SPTB: variants seen among roughly 807,000 people sequenced by gnomAD.
The protein encoded by SPTB is spectrin beta chain, erythrocytic.
Under a neutral mutation model 256.2 loss-of-function variants are expected in SPTB, and 45 were observed. The ratio of observed to expected loss-of-function variants is 0.18; its 90% confidence interval spans 0.14 to 0.23. The LOEUF is 0.23. Among genes scored for constraint, SPTB ranks in the 10% least tolerant of loss-of-function variants. The probability of loss-of-function intolerance (pLI) is 1.00; values close to 1 mark genes in which losing one functional copy is unlikely to be tolerated. For synonymous variants in SPTB, 1,231 were observed against 1,243.1 expected (o/e 0.99, Z 0.21); for missense variants, 2,715 against 3,040.4 (o/e 0.89, Z 2.52).
chr14:64,810,497 T>G (rs939781968), intron 2 of SPTB, among the ~76,000 whole-genome samples: 3 of 152,072 alleles, frequency 2.0e-5, no homozygotes, highest in African/African-American at 4.8e-5. Flanking sequence ...CTGGCCAATA[T>G]GATGAAACGC....
intron 15 of SPTB, among the ~76,000 whole-genome samples, chr14:64,791,257 G>A (rs1473387807): frequency 1.3e-5 from 2 of 152,134 alleles, no homozygotes; most frequent in South Asian, 2.1e-4. Flanking sequence ...CTGGGAAGGG[G>A]ACTGTGGCTG....
intron 5 of SPTB, 99 bp from the exon 6 acceptor site, chr14:64,801,933 C>T (rs1306139924): frequency 2.4e-6 from 3 of 1,237,342 alleles, no homozygotes; most frequent in African/African-American, 3.0e-5. Context: ...AGAAATGGAA[C>T]TGTCCTTTCT....
In SPTB at chr14:64,825,189, A is replaced by G. The variant is rs1400429988; in HGVS notation, c.-51-2044T>C. Among the ~76,000 whole-genome samples the G allele has an allele frequency of 2.0e-5, 3 of 152,074 alleles. No homozygotes were observed. The highest frequency in any genetic ancestry group is 4.4e-5 in the Non-Finnish European group (3 of 68,016). ...GGGTTTCAGGAGGGCAGGTGGGGAA[A>G]GGACATGGTGCATGGGGACAGAGGG... On this transcript the variant is annotated intron_variant, in intron 1 of 35. Transcript: ENST00000644917. The surrounding 1 kb of genome is among the most constrained non-coding windows in gnomAD (Gnocchi z 4.8).
At chr14:64,768,953 AC>A in intron 29 of SPTB, 80 bp downstream of exon 29, 1 of 1,144,680 alleles carries the variant, frequency 8.7e-7, no homozygotes, top group Non-Finnish European at 1.3e-6. Context: ...GTGAAAATCC[AC>A]CCATTGTGGC....
rs1037576854 is a variant in SPTB at position 64,795,649 on chromosome 14, C to A, written c.1342-10G>T. ...CATACCCAAAGTTATCCTGCCCCAC[C>A]GGGAGAAAAACAGGCAGCTCAGTCA... On this transcript the variant is annotated splice_polypyrimidine_tract_variant and intron_variant, in intron 11 of 35. Transcript: ENST00000644917. This position sits in a 1 kb window ranked among gnomAD's most constrained non-coding sequence, Gnocchi z 6.5. 3 of 1,613,754 alleles carry A rather than the reference C, an allele frequency of 1.9e-6. No homozygotes were observed. The African/African-American group carries it at 4.0e-5, about 22-fold the overall frequency.
chr14:64,790,177 T>C lies in SPTB; in HGVS notation c.2804+1542A>G, dbSNP rs568735221. On this transcript the variant is annotated intron_variant, in intron 15 of 35. Coordinates refer to ENST00000644917, the MANE Select transcript of SPTB (RefSeq NM_001355436.2). The surrounding 1 kb of genome is among the most constrained non-coding windows in gnomAD (Gnocchi z 4.8). ...ATCACTGGCTAGACTGGGTGACTTC[T>C]CAGGTTCCTTTCAACTCTCAAATTT... Among the ~76,000 whole-genome samples, 1 of 152,234 alleles carries C rather than the reference T, an allele frequency of 6.6e-6. No individual in the cohort carries two copies. The highest frequency in any genetic ancestry group is 2.1e-4 in the South Asian group (1 of 4,818).
At chr14:64,814,364 C>A (rs971900478) in intron 2 of SPTB, among the ~76,000 whole-genome samples, 1 of 152,148 alleles carries the variant, frequency 6.6e-6, no homozygotes, top group African/African-American at 2.4e-5. Context: ...CAGACCTATA[C>A]AGTCATACAT....
Position 64,807,782 on chromosome 14 carries a change from C to G in SPTB, c.149-2692G>C, listed in dbSNP as rs928914905. On this transcript the variant is annotated intron_variant, in intron 2 of 35. Coordinates refer to ENST00000644917, the MANE Select transcript of SPTB (RefSeq NM_001355436.2). The surrounding 1 kb of genome is among the most constrained non-coding windows in gnomAD (Gnocchi z 4.7). ...GCCTGGAGCCAGCTAGGCTGGGAAC[C>G]CTGGTAGTGTGGACAGGAAGAGAGG... 2.0e-5 allele frequency among the ~76,000 whole-genome samples: 3 copies of G among 152,230 alleles called. No homozygotes were observed. The highest frequency in any genetic ancestry group is 7.2e-5 in the African/African-American group (3 of 41,466).
rs2082749780 is a variant in SPTB at position 64,795,467 on chromosome 14, T to C, written c.1514A>G (p.Asn505Ser). 5 of 1,614,184 alleles carry C rather than the reference T, an allele frequency of 3.1e-6. No homozygotes were observed. Among genetic ancestry groups the C allele is most frequent in the South Asian group, 1.1e-5 (1 of 91,084 alleles). Residue 505 changes from asparagine (N) to serine (S), a missense_variant, in exon 12 of 36, where the codon AAT (asparagine) becomes AGT (serine). Around this residue, in one of 4 missense-constraint regions of SPTB, gnomAD observed 2,239 missense variants for 2,384.4 expected, o/e 0.94. Transcript: ENST00000644917. The surrounding 1 kb of genome is among the most constrained non-coding windows in gnomAD (Gnocchi z 6.5). ...CAGGTAGCTCCATAGGCGCAGTATA[T>C]TGTCCTTGCGGGCCGTGATGCGCTT... ...DQKRITARKD[N>S]ILRLWSYLQE...
chr14:64,751,057 AT>A (rs1254557754), intron 33 of SPTB, among the ~76,000 whole-genome samples: 1 of 143,314 alleles, frequency 7.0e-6, no homozygotes, highest in Non-Finnish European at 1.5e-5. Flanking sequence ...ATATTATATA[AT>A]ATATAACATT....
intron 1 of SPTB, among the ~76,000 whole-genome samples, chr14:64,875,416 T>C (rs1183024001): frequency 1.3e-5 from 2 of 152,346 alleles, no homozygotes; most frequent in Non-Finnish European, 2.9e-5. Flanking sequence ...TATGGCATTT[T>C]CTAAATATTT....
chr14:64,835,132 G>A (rs916628399), intron 1 of SPTB, among the ~76,000 whole-genome samples: 1 of 152,144 alleles, frequency 6.6e-6, no homozygotes, highest in African/African-American at 2.4e-5. Flanking sequence ...CTCATCCCTG[G>A]CCGGCATGCC....
At position 64,760,118 on chromosome 14, in the gene SPTB, A is replaced by T. The variant is rs1285244966; in HGVS notation, c.6346-6325T>A. ...GTAGTCAAACCAACAGGGAGAGGCC[A>T]CAGGCTCCCAATGGGTGCGGGATGG... On this transcript the variant is annotated intron_variant, in intron 32 of 35. Transcript: ENST00000644917. The surrounding 1 kb of genome is among the most constrained non-coding windows in gnomAD (Gnocchi z 4.3). Among the ~76,000 whole-genome samples the T allele has an allele frequency of 6.6e-6, 1 of 152,156 alleles. No homozygotes were observed. Among genetic ancestry groups the T allele is most frequent in the Non-Finnish European group, 1.5e-5 (1 of 68,030 alleles).
chr14:64,753,931 C>T (rs2081987295), intron 32 of SPTB, 138 bp from the exon 33 acceptor site: 4 of 1,169,236 alleles, frequency 3.4e-6, no homozygotes, highest in African/African-American at 1.5e-5. Context: ...ACCTCCTGGC[C>T]CACCCTGGCT....
At chr14:64,771,409 A>G (rs1420297146) in intron 26 of SPTB, among the ~76,000 whole-genome samples, 6 of 152,206 alleles carry the variant, frequency 3.9e-5, no homozygotes, top group East Asian at 1.9e-4. Flanking sequence ...GAGGAACTAC[A>G]TATCAGGCAC....
chr14:64,848,928 G>A (rs1182637572), intron 1 of SPTB, among the ~76,000 whole-genome samples: 2 of 152,126 alleles, frequency 1.3e-5, no homozygotes, highest in Non-Finnish European at 2.9e-5. Flanking sequence ...TAAGCATTAA[G>A]GAGGATACAT....
Position 64,823,422 on chromosome 14 carries a change from CA to C in SPTB, c.-51-278del, listed in dbSNP as rs1214467663. 6.6e-6 allele frequency among the ~76,000 whole-genome samples: 1 copy of C among 152,192 alleles called. No homozygotes were observed. The highest frequency in any genetic ancestry group is 1.5e-5 in the Non-Finnish European group (1 of 68,040). ...AGCAGGTGGAGACGTCAGTCGCAGC[CA>C]GCTGCTTCCTCCAGACCAGCCGCCC... On this transcript the variant is annotated intron_variant, in intron 1 of 35. Coordinates refer to ENST00000644917, the MANE Select transcript of SPTB (RefSeq NM_001355436.2). This position sits in a 1 kb window ranked among gnomAD's most constrained non-coding sequence, Gnocchi z 6.5.
chr14:64,776,348 C>T (rs1007407448), intron 22 of SPTB, among the ~76,000 whole-genome samples: 2 of 152,196 alleles, frequency 1.3e-5, no homozygotes, highest in Non-Finnish European at 2.9e-5. Flanking sequence ...TTACAATTTC[C>T]TATAGTCTCT....
intron 1 of SPTB, among the ~76,000 whole-genome samples, chr14:64,863,680 T>C (rs528721376): frequency 6.6e-6 from 1 of 152,338 alleles, no homozygotes; most frequent in Admixed American, 6.5e-5. Context: ...GTGCACATAG[T>C]AGATTCTAGG....
Sources: gnomAD v4.1 joint callset for allele counts (sites outside exome capture counted in the v4.1 genomes callset) on GRCh38, gnomAD v4.1.1 for gene constraint, gnomAD v4.1.1 regional missense constraint, Gnocchi (gnomAD v3.1) non-coding constraint, MANE v1.5 for transcripts, NCBI Gene and HGNC (gene_info 2026-07-23, HGNC 2026-07-21) for gene names.